Variants in TNNI3K observed in about 807,000 individuals in gnomAD.
TNNI3K encodes the protein TNNI3 interacting kinase.
In TNNI3K, 140 loss-of-function variants were observed where a neutral mutation model predicts 114.5. The ratio of observed to expected loss-of-function variants is 1.22; its 90% CI spans 1.07 to 1.41. The LOEUF is 1.41. TNNI3K is among the 40% of genes most tolerant of loss of function. TNNI3K has a pLI of 0.00. For missense variants in TNNI3K, 1,125 were observed against 1,007.6 expected (o/e 1.12, Z -1.58); for synonymous variants, 347 against 347.5 (o/e 1.00, Z 0.02).
At chr1:74,450,724 GATT>G (rs1434292345) in intron 20 of TNNI3K, among the ~76,000 whole-genome samples, 9 of 152,058 alleles carry the variant, frequency 5.9e-5, no homozygotes, top group Non-Finnish European at 1.0e-4. Context: ...TCAGAATGGC[GATT>G]ATTAATAAGT....
intron 5 of TNNI3K, among the ~76,000 whole-genome samples, chr1:74,317,894 G>A (rs1659403782): frequency 6.6e-6 from 1 of 152,124 alleles, no homozygotes; most frequent in Admixed American, 6.5e-5. Context: ...GAGTCATCCA[G>A]GGGAACCCCC....
At chr1:74,341,524 A>G (rs964836504) in intron 7 of TNNI3K, 1 of 151,976 alleles carries the variant, frequency 6.6e-6, no homozygotes, top group African/African-American at 2.4e-5. Context: ...TGTTGAGGAA[A>G]GAGAGTGTAT....
chr1:74,371,727 G>T (rs529071887), intron 17 of TNNI3K: 1 of 151,926 alleles, frequency 6.6e-6, no homozygotes, highest in South Asian at 2.1e-4. Flanking sequence ...AGACACCAGT[G>T]AATGCTATTA....
intron 21 of TNNI3K, chr1:74,464,680 G>GA: frequency 1.3e-6 from 2 of 1,597,538 alleles, no homozygotes; most frequent in Non-Finnish European, 1.7e-6. Context: ...TGTGTACACA[G>GA]AAACTCTTAA....
intron 21 of TNNI3K, among the ~76,000 whole-genome samples, chr1:74,487,643 A>G (rs1668833251): frequency 6.6e-6 from 1 of 152,188 alleles, no homozygotes; most frequent in Non-Finnish European, 1.5e-5. Flanking sequence ...GTAAAGGGAA[A>G]GTGAGTGACA....
chr1:74,289,483 A>AATGAATTACAGTCCT (rs1657542070), intron 5 of TNNI3K, among the ~76,000 whole-genome samples: 2 of 5,070 alleles, frequency 3.9e-4, no homozygotes, highest in Non-Finnish European at 7.6e-4. Context: ...ACCCATAGGT[A>AATGAATTACAGTCCT]GTGTCATTAG....
intron 17 of TNNI3K, among the ~76,000 whole-genome samples, chr1:74,383,745 A>C (rs1220620592): frequency 1.3e-5 from 2 of 152,150 alleles, no homozygotes; most frequent in East Asian, 3.9e-4. Flanking sequence ...TGAATTAATA[A>C]TAATCAAGAA....
At chr1:74,353,842 A>C (rs1018719055) in intron 10 of TNNI3K, 138 bp from the exon 11 acceptor site, 1 of 1,245,524 alleles carries the variant, frequency 8.0e-7, no homozygotes, top group African/African-American at 1.5e-5. Context: ...TAATAAAATT[A>C]GTTCTTTATC....
At chr1:74,295,191 G>C (rs1287812661) in intron 5 of TNNI3K, among the ~76,000 whole-genome samples, 1 of 151,010 alleles carries the variant, frequency 6.6e-6, no homozygotes, top group East Asian at 1.9e-4. Flanking sequence ...TTTTTACTTT[G>C]ATTTGCAGTA....
chr1:74,277,853 T>C (rs917713093), intron 5 of TNNI3K, among the ~76,000 whole-genome samples: 2 of 152,224 alleles, frequency 1.3e-5, no homozygotes, highest in African/African-American at 4.8e-5. Context: ...TAGTTGAAGT[T>C]ATTCTATCCT....
At chr1:74,411,001 G>A (rs1246607687) in intron 17 of TNNI3K, among the ~76,000 whole-genome samples, 1 of 152,120 alleles carries the variant, frequency 6.6e-6, no homozygotes, top group African/African-American at 2.4e-5. Flanking sequence ...TTGTCTTTGT[G>A]TAGTCATACC....
Position 74,353,296 on chromosome 1 carries a change from AG to A in TNNI3K, c.964del (p.Val322SerfsTer10), listed in dbSNP as rs769512157. 22 of 1,613,300 alleles carry A rather than the reference AG, an allele frequency of 1.4e-5. No individual in the cohort carries two copies. Among genetic ancestry groups the A allele is most frequent in the Non-Finnish European group, 1.8e-5 (21 of 1,179,828 alleles). ...ACTYGKSIDL[V>X]KFLLDQNVIN... ...GTACCTATGGCAAGAGCATTGACCT[AG>A]TCAAATTTCTTCTTGATCAGAATGT... On this transcript the variant is annotated frameshift_variant, in exon 10 of 25. Coordinates refer to ENST00000326637, the MANE Select transcript of TNNI3K (RefSeq NM_015978.3). LOFTEE classifies it high-confidence loss of function.
Position 74,393,257 on chromosome 1 carries a change from G to T in TNNI3K, c.1772+22865G>T, listed in dbSNP as rs1260203415. On this transcript the variant is annotated intron_variant, in intron 17 of 24. Transcript: ENST00000326637. ...TTGAGTTAGTTAGGGATATAGATAG[G>T]ATGGAAAAGCATTCTGGACAAAAAA... Among the ~76,000 whole-genome samples, 4 of 141,532 alleles carry T rather than the reference G, an allele frequency of 2.8e-5. No homozygotes were observed. The Admixed American group carries it at 3.1e-4, about 11-fold the overall frequency. The allele number at this position is 141,532 out of a possible 152,430, so 92.9% of individuals were successfully genotyped here.
chr1:74,361,255 T>C (rs1661951067), intron 11 of TNNI3K, among the ~76,000 whole-genome samples: 1 of 152,098 alleles, frequency 6.6e-6, no homozygotes, highest in Admixed American at 6.6e-5. Context: ...ACCTTTTTGC[T>C]TAATGAGTTT....
rs181396282 is a variant in TNNI3K, at chr1:74,445,583, G to A, written c.2011+5961G>A. Among the ~76,000 whole-genome samples the A allele has an allele frequency of 4.3e-4, 64 of 149,780 alleles. 2 individuals are homozygous for A. Among genetic ancestry groups the A allele is most frequent in the African/African-American group, 1.2e-3 (50 of 40,732 alleles). Reference sequence around the variant, plus strand: ...TTTTATGGCTGCATAGTATTCCATGGTGTATATGTTCCACATTTTCTTTTT... The same window carrying A: ...TTTTATGGCTGCATAGTATTCCATGATGTATATGTTCCACATTTTCTTTTT... On this transcript the variant is annotated intron_variant, in intron 20 of 24. Coordinates refer to ENST00000326637, the MANE Select transcript of TNNI3K (RefSeq NM_015978.3).
intron 21 of TNNI3K, chr1:74,480,531 C>A (rs1409951636): frequency 1.4e-6 from 1 of 717,462 alleles, no homozygotes; most frequent in Admixed American, 2.0e-5. Flanking sequence ...GGCCGGAAGG[C>A]ATCTTTCCCA....
At chr1:74,489,917 A>G (rs1231683199) in intron 22 of TNNI3K, among the ~76,000 whole-genome samples, 1 of 152,092 alleles carries the variant, frequency 6.6e-6, no homozygotes, top group Non-Finnish European at 1.5e-5. Context: ...GAAGACATAC[A>G]TCACACATAG....
intron 5 of TNNI3K, among the ~76,000 whole-genome samples, chr1:74,314,735 A>T (rs1374960281): frequency 1.3e-5 from 2 of 152,178 alleles, no homozygotes. Flanking sequence ...TGATAGTGAA[A>T]AAATATATAT....
chr1:74,499,848 A>G (rs927938653), intron 23 of TNNI3K, among the ~76,000 whole-genome samples: 3 of 152,078 alleles, frequency 2.0e-5, no homozygotes, highest in African/African-American at 7.2e-5. Context: ...AATTTTCTTT[A>G]TGGGGTTCTT....
Sources: allele counts gnomAD v4.1 joint callset (sites outside exome capture counted in the v4.1 genomes callset), GRCh38; gene constraint gnomAD v4.1.1; transcripts MANE v1.5; gene names NCBI Gene and HGNC (gene_info 2026-07-23, HGNC 2026-07-21).